Variants in PCDH9 observed in about 807,000 individuals in gnomAD.
PCDH9 encodes the protein protocadherin-9.
A neutral mutation model predicts 70.6 loss-of-function variants in PCDH9; 24 were observed. The ratio of observed to expected loss-of-function variants is 0.34; its 90% confidence interval spans 0.25 to 0.48. The LOEUF (loss-of-function observed/expected upper bound fraction) is 0.48, where lower values mean the gene tolerates loss of function less well. Ranked by LOEUF, PCDH9 falls within the 20% of genes least tolerant of loss-of-function variation. The probability of loss-of-function intolerance (pLI) is 0.99; values close to 1 mark genes in which losing one functional copy is unlikely to be tolerated. For synonymous variants in PCDH9, 562 were observed against 558.5 expected (o/e 1.01, Z -0.09); for missense variants, 1,281 against 1,503.6 (o/e 0.85, Z 2.45).
chr13:67,156,417 G>C (rs1433299552), intron 2 of PCDH9, among the ~76,000 whole-genome samples: 2 of 151,982 alleles, frequency 1.3e-5, no homozygotes, highest in Non-Finnish European at 2.9e-5. Flanking sequence ...GGATGTTGAG[G>C]GGAGCATGGC....
At chr13:66,844,638 A>G (rs2081175461) in intron 3 of PCDH9, among the ~76,000 whole-genome samples, 1 of 151,844 alleles carries the variant, frequency 6.6e-6, no homozygotes, top group Non-Finnish European at 1.5e-5. Context: ...CACGGTAACC[A>G]TGAGTATCCA....
At chr13:66,844,168 T>C (rs147637172) in intron 3 of PCDH9, among the ~76,000 whole-genome samples, 2,447 of 152,280 alleles carry the variant, frequency 0.016, 81 homozygotes, top group African/African-American at 0.055. Context: ...CTGTATTTGA[T>C]TTTATTTTCC....
intron 3 of PCDH9, among the ~76,000 whole-genome samples, chr13:66,881,536 C>T (rs1400755877): frequency 6.6e-6 from 1 of 152,054 alleles, no homozygotes; most frequent in Non-Finnish European, 1.5e-5. Flanking sequence ...ATTATGGGAG[C>T]TACAAGATGA....
chr13:66,741,898 G>A (rs1200449581), intron 3 of PCDH9, among the ~76,000 whole-genome samples: 6 of 148,518 alleles, frequency 4.0e-5, no homozygotes, highest in East Asian at 2.0e-4. Flanking sequence ...AATCAATATC[G>A]TGAAAACGGC....
At chr13:66,913,844 G>C (rs1457250919) in intron 2 of PCDH9, among the ~76,000 whole-genome samples, 1 of 151,880 alleles carries the variant, frequency 6.6e-6, no homozygotes, top group Non-Finnish European at 1.5e-5. Context: ...CTGAAAATAT[G>C]TGTTACTCTA....
At chr13:66,327,290 A>G (rs1221662412) in intron 4 of PCDH9, among the ~76,000 whole-genome samples, 1 of 152,182 alleles carries the variant, frequency 6.6e-6, no homozygotes, top group Non-Finnish European at 1.5e-5. Context: ...ATGCTGTACC[A>G]CAAAGCCCCA....
intron 4 of PCDH9, among the ~76,000 whole-genome samples, chr13:66,491,649 C>T (rs1187609901): frequency 6.6e-6 from 1 of 152,034 alleles, no homozygotes; most frequent in Non-Finnish European, 1.5e-5. Context: ...TGAACTTGTA[C>T]ACTGTATCAT....
chr13:66,429,641 A>C (rs2138371840), intron 4 of PCDH9, among the ~76,000 whole-genome samples: 1 of 151,972 alleles, frequency 6.6e-6, no homozygotes, highest in Admixed American at 6.6e-5. Context: ...CGTGAATCTA[A>C]GGGGAGGACA....
At chr13:67,047,303 CCCCA>C (rs891767034) in intron 2 of PCDH9, among the ~76,000 whole-genome samples, 3 of 152,126 alleles carry the variant, frequency 2.0e-5, no homozygotes, top group African/African-American at 7.2e-5. Flanking sequence ...CCTCCTTGAA[CCCCA>C]CCCAAATAAA....
intron 4 of PCDH9, among the ~76,000 whole-genome samples, chr13:66,467,307 T>C (rs1256793865): frequency 6.6e-6 from 1 of 152,076 alleles, no homozygotes; most frequent in African/African-American, 2.4e-5. Flanking sequence ...CAACCCTCAG[T>C]CTTACTGGTC....
chr13:66,606,045 A>G (rs112021592), intron 4 of PCDH9, among the ~76,000 whole-genome samples: 42 of 152,190 alleles, frequency 2.8e-4, no homozygotes, highest in African/African-American at 8.2e-4. Flanking sequence ...TCCCCTCAGC[A>G]TTCTTGCAGG....
intron 4 of PCDH9, among the ~76,000 whole-genome samples, chr13:66,367,245 A>T (rs1444237989): frequency 6.6e-6 from 1 of 152,150 alleles, no homozygotes; most frequent in Non-Finnish European, 1.5e-5. Context: ...TTGACTTCAA[A>T]TCCATTTCCA....
At position 66,504,625 on chromosome 13, in the gene PCDH9, A is replaced by G. The variant is rs79534767; in HGVS notation, c.3340+126585T>C. Among the ~76,000 whole-genome samples the G allele has an allele frequency of 7.0e-3, 1,066 of 152,324 alleles. 35 individuals carry two copies. In the East Asian group the frequency reaches 0.091, roughly 13 times the overall value. On this transcript the variant is annotated intron_variant, in intron 4 of 4. Coordinates refer to ENST00000377865, the MANE Select transcript of PCDH9 (RefSeq NM_203487.3). ...TCATACATCGATAGACTGAACTTGT[A>G]TGAGCATGGAGACTATCAACTTTGC...
intron 2 of PCDH9, among the ~76,000 whole-genome samples, chr13:66,990,658 T>A (rs917209921): frequency 6.6e-6 from 1 of 150,598 alleles, no homozygotes; most frequent in Admixed American, 6.6e-5. Flanking sequence ...CATATATATA[T>A]AATTCAGTGA....
At chr13:66,739,342 C>T (rs1001360229) in intron 3 of PCDH9, among the ~76,000 whole-genome samples, 4 of 132,816 alleles carry the variant, frequency 3.0e-5, no homozygotes, top group South Asian at 2.7e-4. Flanking sequence ...CTGAAGGAAG[C>T]GCTAAGCATG....
intron 2 of PCDH9, among the ~76,000 whole-genome samples, chr13:66,951,457 C>T (rs986550914): frequency 5.3e-5 from 8 of 152,038 alleles, no homozygotes; most frequent in Admixed American, 1.3e-4. Flanking sequence ...TGAATGCAGA[C>T]GTAATTGAGC....
intron 3 of PCDH9, among the ~76,000 whole-genome samples, chr13:66,842,352 G>A (rs1359953736): frequency 6.6e-5 from 10 of 152,070 alleles, no homozygotes; most frequent in Admixed American, 3.9e-4. Context: ...TGTATACATA[G>A]TAAATTAATT....
At chr13:66,640,974 C>T (rs944729503) in intron 3 of PCDH9, among the ~76,000 whole-genome samples, 12 of 152,006 alleles carry the variant, frequency 7.9e-5, no homozygotes, top group African/African-American at 2.7e-4. Context: ...CTCCCGGGTT[C>T]GAGCAATTCT....
chr13:66,682,354 ATCT>A (rs2078336245), intron 3 of PCDH9, among the ~76,000 whole-genome samples: 1 of 646 alleles, frequency 1.5e-3, no homozygotes, highest in African/African-American at 0.012. Flanking sequence ...TGTATTTATT[ATCT>A]ATCTATCTAT....
Sources: allele counts gnomAD v4.1 joint callset (sites outside exome capture counted in the v4.1 genomes callset), GRCh38; gene constraint gnomAD v4.1.1; transcripts MANE v1.5; gene names NCBI Gene and HGNC (gene_info 2026-07-23, HGNC 2026-07-21).